Variants in SSBP3 observed in about 807,000 individuals in gnomAD.
The protein encoded by SSBP3 is single-stranded DNA-binding protein 3.
In SSBP3, 5 loss-of-function variants were observed where a neutral mutation model predicts 69.6. That is an observed-to-expected ratio of 0.07 (90% CI 0.04 to 0.15). SSBP3 has a LOEUF of 0.15. SSBP3 is among the 10% of genes least tolerant of loss of function. SSBP3 has a pLI of 1.00. For missense variants in SSBP3, 312 were observed against 534.0 expected (o/e 0.58, Z 4.10); for synonymous variants, 196 against 193.4 (o/e 1.01, Z -0.11).
intron 4 of SSBP3, among the ~76,000 whole-genome samples, chr1:54,351,312 C>T (rs763234137): frequency 2.6e-5 from 4 of 152,166 alleles, no homozygotes; most frequent in Admixed American, 1.3e-4. Context: ...GTACAGAACA[C>T]ATAACTTCTT....
rs1442086879 is a variant in SSBP3, at chr1:54,258,204, A to G, written c.367-55T>C. ...TAGATCACAGCACATGGAGAAGCGC[A>G]GAAGCAGCTTAAAAGAACAAAAATT... is the stretch of plus-strand genomic sequence containing the variant. On this transcript the variant is annotated intron_variant, in intron 5 of 17. Coordinates refer to ENST00000610401, the Ensembl canonical transcript of SSBP3. This position sits in a 1 kb window ranked among gnomAD's most constrained non-coding sequence, Gnocchi z 4.5. 2.2e-6 allele frequency: 3 copies of G among 1,377,090 alleles called. No homozygotes were observed. Among genetic ancestry groups the G allele is most frequent in the South Asian group, 1.5e-5 (1 of 66,406 alleles). 85.3% of individuals were successfully genotyped at this position (1,377,090 alleles called of 1,614,324 possible).
At chr1:54,233,003 C>A (rs1381905532) in intron 14 of SSBP3, among the ~76,000 whole-genome samples, 2 of 152,096 alleles carry the variant, frequency 1.3e-5, no homozygotes, top group Non-Finnish European at 2.9e-5. Flanking sequence ...CGGCCGCCAC[C>A]CGTCTGGGAA....
chr1:54,288,586 T>TGGGGGGGGG (rs34312035), intron 4 of SSBP3, among the ~76,000 whole-genome samples: 2 of 125,480 alleles, frequency 1.6e-5, no homozygotes, highest in Non-Finnish European at 3.4e-5. Context: ...TCAGCAGGGG[T>TGGGGGGGGG]GGGGGGGGGG....
intron 4 of SSBP3, among the ~76,000 whole-genome samples, chr1:54,315,853 G>C (rs1372457758): frequency 6.6e-6 from 1 of 151,960 alleles, no homozygotes; most frequent in African/African-American, 2.4e-5. Context: ...GTAGAGACAG[G>C]GTCGCGCCAT....
At chr1:54,397,481 C>T (rs1332766115) in intron 4 of SSBP3, among the ~76,000 whole-genome samples, 2 of 152,192 alleles carry the variant, frequency 1.3e-5, no homozygotes, top group Non-Finnish European at 2.9e-5. Flanking sequence ...AACCAACCCT[C>T]CTCAAGGCAA....
At chr1:54,373,205 G>T (rs1647163714) in intron 4 of SSBP3, among the ~76,000 whole-genome samples, 3 of 152,176 alleles carry the variant, frequency 2.0e-5, no homozygotes, top group Non-Finnish European at 4.4e-5. Flanking sequence ...GGTTGCTAAT[G>T]GCAACAGTCT....
At chr1:54,225,538 T>C (rs769806603) in exon 18 of SSBP3, 1 of 831,794 alleles carries the variant, frequency 1.2e-6, no homozygotes, top group East Asian at 3.3e-5. Flanking sequence ...AGAACCAGAC[T>C]ACAAGGTAAG....
At chr1:54,361,934 G>T (rs906316150) in intron 4 of SSBP3, among the ~76,000 whole-genome samples, 1 of 152,192 alleles carries the variant, frequency 6.6e-6, no homozygotes, top group Non-Finnish European at 1.5e-5. Flanking sequence ...CACTGAAAGA[G>T]GGTGCAACCA....
chr1:54,246,503 T>C (rs1644736750), intron 9 of SSBP3, among the ~76,000 whole-genome samples: 2 of 151,676 alleles, frequency 1.3e-5, no homozygotes, highest in Admixed American at 1.3e-4. Flanking sequence ...CAGCACGGAG[T>C]GGGGTGAGAG....
chr1:54,341,245 T>C (rs1646601220), intron 4 of SSBP3, among the ~76,000 whole-genome samples: 1 of 152,040 alleles, frequency 6.6e-6, no homozygotes, highest in African/African-American at 2.4e-5. Flanking sequence ...CAAGACAACA[T>C]GTTGGCAGAG....
chr1:54,373,560 T>A (rs1402592492), intron 4 of SSBP3, among the ~76,000 whole-genome samples: 1 of 151,684 alleles, frequency 6.6e-6, no homozygotes, highest in East Asian at 1.9e-4. Flanking sequence ...GACCAGGAGT[T>A]CAAGACCAGA....
rs953407074 is a variant in SSBP3 at position 54,258,335 on chromosome 1, C to T, written c.367-186G>A. ...TCGCCGGCTCAACGGTGTAAAACGG[C>T]GAGCGGGAGCGAGAGAAGCTGATAA... is the stretch of plus-strand genomic sequence containing the variant. On this transcript the variant is annotated intron_variant, in intron 5 of 17. Coordinates refer to ENST00000610401, the Ensembl canonical transcript of SSBP3. This position sits in a 1 kb window ranked among gnomAD's most constrained non-coding sequence, Gnocchi z 4.5. Among the ~76,000 whole-genome samples, 1 of 152,076 alleles carries T rather than the reference C, an allele frequency of 6.6e-6. No individual in the cohort carries two copies. Among genetic ancestry groups the T allele is most frequent in the African/African-American group, 2.4e-5 (1 of 41,386 alleles).
chr1:54,321,394 A>G (rs981887003), intron 4 of SSBP3, among the ~76,000 whole-genome samples: 1 of 152,266 alleles, frequency 6.6e-6, no homozygotes, highest in African/African-American at 2.4e-5. Flanking sequence ...GCCCGAGGTC[A>G]AGTGGCTGGG....
chr1:54,355,452 G>A (rs973780734), intron 4 of SSBP3, among the ~76,000 whole-genome samples: 2 of 152,098 alleles, frequency 1.3e-5, no homozygotes, highest in African/African-American at 4.8e-5. Context: ...TGGTTCAAGC[G>A]ATTCTCCCGC....
intron 9 of SSBP3, among the ~76,000 whole-genome samples, chr1:54,245,553 T>C (rs577803649): frequency 6.6e-6 from 1 of 152,344 alleles, no homozygotes; most frequent in South Asian, 2.1e-4. Flanking sequence ...CCTGCTCCGC[T>C]TGCTCAGCCA....
chr1:54,257,779 C>T (rs983555537), intron 6 of SSBP3, among the ~76,000 whole-genome samples: 1 of 152,160 alleles, frequency 6.6e-6, no homozygotes, highest in African/African-American at 2.4e-5. Context: ...GTGAACCAAA[C>T]TCAAAACCAA....
intron 4 of SSBP3, among the ~76,000 whole-genome samples, chr1:54,294,166 AGAAAG>A (rs1367660637): frequency 0.065 from 4,701 of 72,740 alleles, 658 homozygotes; most frequent in East Asian, 0.13. Context: ...AAAAAAAGAA[AGAAAG>A]AAAGAAAGAA....
chr1:54,376,307 TC>T (rs1252226800), intron 4 of SSBP3, among the ~76,000 whole-genome samples: 1 of 152,104 alleles, frequency 6.6e-6, no homozygotes, highest in Non-Finnish European at 1.5e-5. Flanking sequence ...AGTTCTTTAG[TC>T]CACACAATTC....
intron 5 of SSBP3, among the ~76,000 whole-genome samples, chr1:54,266,161 A>C (rs1645100522): frequency 6.6e-6 from 1 of 152,210 alleles, no homozygotes; most frequent in African/African-American, 2.4e-5. Context: ...AGATGGGAAG[A>C]CTGAGCCTCA....
Sources: allele counts gnomAD v4.1 joint callset (sites outside exome capture counted in the v4.1 genomes callset), GRCh38; gene constraint gnomAD v4.1.1; non-coding constraint Gnocchi (gnomAD v3.1); transcripts MANE v1.5; gene names NCBI Gene and HGNC (gene_info 2026-07-23, HGNC 2026-07-21).